Variants in CELF2 observed in about 807,000 individuals in gnomAD.
CELF2 encodes CUG triplet repeat RNA-binding protein 2.
In CELF2, 8 loss-of-function variants were observed where a neutral mutation model predicts 62.6. The ratio of observed to expected loss-of-function variants is 0.13; its 90% CI spans 0.07 to 0.23. CELF2 has a LOEUF of 0.23. Among genes scored for constraint, CELF2 ranks in the 10% least tolerant of loss-of-function variants. The probability of loss-of-function intolerance (pLI) is 1.00; values close to 1 mark genes in which losing one functional copy is unlikely to be tolerated. For synonymous variants in CELF2, 258 were observed against 250.0 expected (o/e 1.03, Z -0.30); for missense variants, 333 against 671.0 (o/e 0.50, Z 5.56).
chr10:11,176,915 C>T (rs2071395250), intron 2 of CELF2, among the ~76,000 whole-genome samples: 1 of 152,116 alleles, frequency 6.6e-6, no homozygotes, highest in Non-Finnish European at 1.5e-5. Flanking sequence ...GTTCTGTGGC[C>T]AGTGGAGGAG....
chr10:11,291,850 C>G (rs1252661690), intron 9 of CELF2, among the ~76,000 whole-genome samples: 2 of 152,178 alleles, frequency 1.3e-5, no homozygotes, highest in South Asian at 2.1e-4. Context: ...TTAGTTTTGT[C>G]TGGTAATTTT....
At chr10:10,933,870 A>G (rs1185806527) in intron 2 of CELF2, among the ~76,000 whole-genome samples, 2 of 152,188 alleles carry the variant, frequency 1.3e-5, no homozygotes, top group African/African-American at 4.8e-5. Flanking sequence ...TTGATTCCAT[A>G]TCTTGGCTAT....
intron 1 of CELF2, among the ~76,000 whole-genome samples, chr10:11,085,621 G>A (rs1231966641): frequency 2.0e-5 from 3 of 151,700 alleles, no homozygotes; most frequent in Non-Finnish European, 2.9e-5. Flanking sequence ...ACAGAGAGTT[G>A]ACAGAAACTG....
At chr10:10,748,867 G>T in the CELF2 span, among the ~76,000 whole-genome samples, 1 of 152,024 alleles carries the variant, frequency 6.6e-6, no homozygotes, top group African/African-American at 2.4e-5. Flanking sequence ...GGTGGTGGTT[G>T]TGGAGATAAA....
intron 1 of CELF2, among the ~76,000 whole-genome samples, chr10:11,150,287 G>C (rs956923538): frequency 6.6e-6 from 1 of 152,154 alleles, no homozygotes; most frequent in African/African-American, 2.4e-5. Flanking sequence ...TCTTTATTTT[G>C]ACCTAGTTAC....
At position 10,836,612 on chromosome 10, in the gene CELF2, G is replaced by T. The variant is rs376765618; in HGVS notation, c.53+37795G>T. On this transcript the variant is annotated intron_variant, in intron 1 of 13. Coordinates refer to the CELF2 transcript ENST00000636488. ...GAGAAACTATAGAAGACTCCCTTTT[G>T]CCTGTCACATAAAATCTAGCCTTAT... 1.0e-3 allele frequency among the ~76,000 whole-genome samples: 154 copies of T among 152,238 alleles called. 1 individual carries two copies. The Middle Eastern group carries it at 0.01, about 10-fold the overall frequency.
intron 8 of CELF2, among the ~76,000 whole-genome samples, chr10:11,284,502 G>GGGGATGAGGGATGAGTGTGTGGTGGGT (rs2090458630): frequency 5.2e-5 from 2 of 38,126 alleles, no homozygotes; most frequent in Admixed American, 2.8e-4. Flanking sequence ...TGTGTGGTGG[G>GGGGATGAGGGATGAGTGTGTGGTGGGT]GGATGAGGGA....
At chr10:11,261,539 C>T (rs1263913750) in intron 5 of CELF2, among the ~76,000 whole-genome samples, 1 of 151,944 alleles carries the variant, frequency 6.6e-6, no homozygotes, top group Non-Finnish European at 1.5e-5. Context: ...AGGAAATTGT[C>T]ACGACTCTAC....
At chr10:10,877,469 G>A (rs1422959411) in intron 1 of CELF2, among the ~76,000 whole-genome samples, 1 of 152,232 alleles carries the variant, frequency 6.6e-6, no homozygotes, top group Non-Finnish European at 1.5e-5. Context: ...ACAAATGGTT[G>A]CATTCTTTTG....
the CELF2 span, among the ~76,000 whole-genome samples, chr10:10,493,912 C>T: frequency 2.7e-3 from 413 of 152,240 alleles, 2 homozygotes; most frequent in Non-Finnish European, 4.2e-3. Flanking sequence ...TTGTTCTCTG[C>T]CTAGAAAGTA....
At chr10:10,759,296 CTTTTTTTTTTTTTTT>C in the CELF2 span, among the ~76,000 whole-genome samples, 2 of 120,904 alleles carry the variant, frequency 1.7e-5, no homozygotes, top group Non-Finnish European at 3.3e-5. Context: ...GCCCATTTTT[CTTTTTTTTTTTTTTT>C]TTTTTTTTTT....
At chr10:11,099,301 A>C (rs1291823) in intron 1 of CELF2, among the ~76,000 whole-genome samples, 1 of 152,090 alleles carries the variant, frequency 6.6e-6, no homozygotes, top group Admixed American at 6.5e-5. Flanking sequence ...TACATCTGAG[A>C]AGCAGAGAGC....
At chr10:10,818,595 C>A (rs781410403) in intron 1 of CELF2, among the ~76,000 whole-genome samples, 114 of 149,946 alleles carry the variant, frequency 7.6e-4, no homozygotes, top group Non-Finnish European at 8.0e-4. Flanking sequence ...TGTCTGTCGC[C>A]CAGGCTGGAG....
chr10:10,739,285 CAAT>C, the CELF2 span, among the ~76,000 whole-genome samples: 1 of 152,048 alleles, frequency 6.6e-6, no homozygotes, highest in East Asian at 1.9e-4. Flanking sequence ...TAATGTTTGA[CAAT>C]GATTATTTAC....
At chr10:11,084,726 A>G (rs1451783474) in intron 1 of CELF2, among the ~76,000 whole-genome samples, 1 of 151,798 alleles carries the variant, frequency 6.6e-6, no homozygotes, top group African/African-American at 2.4e-5. Flanking sequence ...GATAATTAGT[A>G]AAAGTCCCTA....
the CELF2 span, among the ~76,000 whole-genome samples, chr10:10,491,846 T>G: frequency 1.3e-5 from 2 of 152,230 alleles, no homozygotes; most frequent in East Asian, 1.9e-4. Context: ...TCTTTTTAAC[T>G]GCATTTGTTG....
chr10:11,178,512 C>A lies in CELF2; in HGVS notation c.271+12830C>A. On this transcript the variant is annotated intron_variant, in intron 2 of 12. Transcript: ENST00000633077. This position sits in a 1 kb window ranked among gnomAD's most constrained non-coding sequence, Gnocchi z 4.3. ...TAAATTAAAGACACACTTTTGTAAT[C>A]GTATATTTTAGGCTTTCCTCTCTAC... Among the ~76,000 whole-genome samples, 1 of 152,202 alleles carries A rather than the reference C, an allele frequency of 6.6e-6. No individual in the cohort carries two copies. Among genetic ancestry groups the A allele is most frequent in the East Asian group, 1.9e-4 (1 of 5,202 alleles).
At chr10:10,959,518 A>G (rs2049260803) in intron 2 of CELF2, among the ~76,000 whole-genome samples, 1 of 152,136 alleles carries the variant, frequency 6.6e-6, no homozygotes, top group Non-Finnish European at 1.5e-5. Context: ...TTTTCCATGC[A>G]TTTTCCAAGG....
At chr10:10,930,544 G>A (rs1342193101) in intron 2 of CELF2, among the ~76,000 whole-genome samples, 1 of 152,156 alleles carries the variant, frequency 6.6e-6, no homozygotes, top group African/African-American at 2.4e-5. Context: ...ACTTCTTTAA[G>A]ATAAAGCCTG....
Sources: allele counts gnomAD v4.1 joint callset (sites outside exome capture counted in the v4.1 genomes callset), GRCh38; gene constraint gnomAD v4.1.1; non-coding constraint Gnocchi (gnomAD v3.1); transcripts MANE v1.5; gene names NCBI Gene and HGNC (gene_info 2026-07-23, HGNC 2026-07-21).